Variants in ZNF112 observed in about 807,000 individuals in gnomAD.
ZNF112 encodes zinc finger protein 112 (Y14).
Under a neutral mutation model 77.7 loss-of-function variants are expected in ZNF112, and 37 were observed. That is an observed-to-expected ratio of 0.48 (90% CI 0.37 to 0.63). The LOEUF is 0.63. Ranked by LOEUF, ZNF112 falls within the 20% of genes least tolerant of loss-of-function variation. ZNF112 has a pLI of 0.00. For synonymous variants in ZNF112, 333 were observed against 363.6 expected (o/e 0.92, Z 0.96); for missense variants, 950 against 1,077.4 (o/e 0.88, Z 1.66).
At chr19:44,361,523 T>G (rs1042674433), upstream of ZNF112, among the ~76,000 whole-genome samples, 1 of 152,170 alleles carries the variant, frequency 6.6e-6, no homozygotes, top group African/African-American at 2.4e-5. Flanking sequence ...AAATTCATAT[T>G]GTTAATGGAA....
At position 44,329,272 on chromosome 19, in the gene ZNF112, A is replaced by G; in HGVS notation, c.885T>C (p.Leu295=). The part of the protein sequence containing the change: ...CGKGCNYSSL[L]HIHQNIERED... ...CTCTCTCAATATTTTGATGAATATGAAGAAGTGAACTATAATTACAGCCCT... is the reference window on the plus strand; with the variant it reads ...CTCTCTCAATATTTTGATGAATATGGAGAAGTGAACTATAATTACAGCCCT... Residue 295 remains leucine, a synonymous_variant, in exon 4 of 4, where the codon CTT becomes CTC. Transcript: ENST00000354340. 1 of 1,613,972 alleles carries G rather than the reference A, an allele frequency of 6.2e-7. No homozygotes were observed. The highest frequency in any genetic ancestry group is 8.5e-7 in the Non-Finnish European group (1 of 1,180,000).
chr19:44,328,509 C>T lies in ZNF112; in HGVS notation c.1648G>A (p.Glu550Lys), dbSNP rs139777621. Residue 550 changes from glutamate (E) to lysine (K), a missense_variant, in exon 4 of 4, where the codon GAG (glutamate) becomes AAG (lysine). Glu to Lys is a moderately conservative substitution (Grantham distance 56, BLOSUM62 1). Around this residue, in one of 3 missense-constraint regions of ZNF112, gnomAD observed 373 missense variants for 482.8 expected, o/e 0.77. Coordinates refer to ENST00000354340, the MANE Select transcript of ZNF112 (RefSeq NM_013380.4). ...VHTGEKPYKC[E>K]ECDKGFSRSS... ...CGACTGAATCCCTTATCACATTCCT[C>T]GCATTTATAAGGTTTCTCTCCTGTG... is the stretch of plus-strand genomic sequence containing the variant. 51 of 1,596,534 alleles carry T rather than the reference C, an allele frequency of 3.2e-5. 1 individual carries two copies. The East Asian group carries it at 4.8e-4, about 15-fold the overall frequency.
chr19:44,356,403 A>AT (rs1970787173), intron 1 of ZNF112, among the ~76,000 whole-genome samples: 1 of 152,118 alleles, frequency 6.6e-6, no homozygotes, highest in South Asian at 2.1e-4. Context: ...AACCCAGGAG[A>AT]TCCCCAGTCC....
chr19:44,346,469 G>T (rs2196187), intron 1 of ZNF112, among the ~76,000 whole-genome samples: 62,468 of 152,010 alleles, frequency 0.41, 14,923 homozygotes, highest in South Asian at 0.58. Flanking sequence ...CTGGTTTGTT[G>T]CAAAGTATGT....
chr19:44,332,353 G>A (rs907518002), intron 3 of ZNF112, among the ~76,000 whole-genome samples: 7 of 152,146 alleles, frequency 4.6e-5, no homozygotes, highest in African/African-American at 1.7e-4. Flanking sequence ...AACACTTCAA[G>A]GTATATCAGT....
chr19:44,355,727 T>A (rs11881753), intron 1 of ZNF112, among the ~76,000 whole-genome samples: 1 of 152,310 alleles, frequency 6.6e-6, no homozygotes, highest in Non-Finnish European at 1.5e-5. Context: ...ATCAAACTCT[T>A]AGAATGATCA....
chr19:44,362,836 C>T (rs1334583528), intron 1 of ZNF112, among the ~76,000 whole-genome samples: 1 of 152,128 alleles, frequency 6.6e-6, no homozygotes, highest in Non-Finnish European at 1.5e-5. Flanking sequence ...CCAGGTCGAT[C>T]TGTTTAATGT....
At chr19:44,330,541 G>C (rs556595013) in intron 3 of ZNF112, among the ~76,000 whole-genome samples, 3 of 152,286 alleles carry the variant, frequency 2.0e-5, no homozygotes, top group African/African-American at 4.8e-5. Flanking sequence ...TTTGAGACCA[G>C]CCTGGCCAAC....
chr19:44,356,385 A>G (rs2722740), intron 1 of ZNF112, among the ~76,000 whole-genome samples: 115,496 of 152,028 alleles, frequency 0.76, 44,198 homozygotes, highest in African/African-American at 0.85. Context: ...AGGGCTGGGG[A>G]AGTACAGAAC....
upstream of ZNF112, among the ~76,000 whole-genome samples, chr19:44,357,122 A>G (rs986425498): frequency 1.3e-5 from 2 of 152,132 alleles, no homozygotes; most frequent in Admixed American, 6.5e-5. Context: ...CAGTATTTGT[A>G]TAGTCACTAT....
intron 1 of ZNF112, chr19:44,343,136 A>C: frequency 8.9e-7 from 1 of 1,117,782 alleles, no homozygotes; most frequent in Non-Finnish European, 1.3e-6. Flanking sequence ...CTGATACATA[A>C]ATGATACTAA....
chr19:44,327,599 TTCTCTCCTGTGTGGAC>T lies in ZNF112; in HGVS notation c.2542_2557del (p.Val848AsnfsTer68). ...ACCACATGCATCACATTTGTATGGT[TTCTCTCCTGTGTGGAC>T]TCTCTGGTGAGCCTGAAGATTTGAT... is the stretch of plus-strand genomic sequence containing the variant. On this transcript the variant is annotated frameshift_variant, in exon 4 of 4. Coordinates refer to ENST00000354340, the MANE Select transcript of ZNF112 (RefSeq NM_013380.4). LOFTEE classifies it high-confidence loss of function. 2 of 1,614,098 alleles carry T rather than the reference TTCTCTCCTGTGTGGAC, an allele frequency of 1.2e-6. No individual in the cohort carries two copies. The highest frequency in any genetic ancestry group is 1.7e-6 in the Non-Finnish European group (2 of 1,179,968).
At position 44,327,910 on chromosome 19, in the gene ZNF112, C is replaced by T. The variant is rs780970877; in HGVS notation, c.2247G>A (p.Gly749=). ...GGCGCGAACTCTGACTAAAGCCCTT[C>T]CCACACATCTCACATTTATACGGTT... ...RVKPYKCEMC[G]KGFSQSSRLE... is the part of the protein sequence containing the mutation. Residue 749 remains glycine, a synonymous_variant, in exon 4 of 4, where the codon GGG becomes GGA. Transcript: ENST00000354340. The T allele has an allele frequency of 6.2e-7, 1 of 1,613,712 alleles. No homozygotes were observed. Among genetic ancestry groups the T allele is most frequent in the Admixed American group, 1.7e-5 (1 of 59,964 alleles).
At position 44,329,442 on chromosome 19, in the gene ZNF112, A is replaced by G; in HGVS notation, c.715T>C (p.Leu239=). 1 of 1,614,058 alleles carries G rather than the reference A, an allele frequency of 6.2e-7. No individual in the cohort carries two copies. Among genetic ancestry groups the G allele is most frequent in the Non-Finnish European group, 8.5e-7 (1 of 1,179,978 alleles). The change falls in exon 4 of 4, where the codon TTA becomes CTA. Residue 239 remains leucine (L), a synonymous_variant. Transcript: ENST00000354340. ...DCGEDIMKVS[L]LNQESIQTEE... ...GTTTGAATTGACTCCTGATTAAGTA[A>G]TGATACCTTCATGATATCTTCTCCA...
At chr19:44,337,729 A>C (rs967604467) in intron 2 of ZNF112, among the ~76,000 whole-genome samples, 11 of 151,378 alleles carry the variant, frequency 7.3e-5, no homozygotes, top group African/African-American at 2.4e-4. Flanking sequence ...ATGGGTGAGA[A>C]ATGGCATTTC....
chr19:44,329,989 G>T, intron 3 of ZNF112, 53 bp from the exon 4 acceptor site: 1 of 1,395,958 alleles, frequency 7.2e-7, no homozygotes, highest in Non-Finnish European at 9.7e-7. Context: ...TTATTCAAGA[G>T]ATTTGAAGAT....
intron 3 of ZNF112, among the ~76,000 whole-genome samples, chr19:44,334,277 C>G (rs1338980064): frequency 6.6e-6 from 1 of 152,144 alleles, no homozygotes; most frequent in African/African-American, 2.4e-5. Context: ...GCAAAGCATT[C>G]AAGATGTGGT....
chr19:44,357,542 G>C (rs549090661), upstream of ZNF112, among the ~76,000 whole-genome samples: 1 of 152,004 alleles, frequency 6.6e-6, no homozygotes, highest in Non-Finnish European at 1.5e-5. Flanking sequence ...TTTGTTGCAA[G>C]ATCCACAAGA....
At chr19:44,356,592 G>C (rs952461643) in intron 1 of ZNF112, 34 bp downstream of exon 1, 2 of 152,290 alleles carry the variant, frequency 1.3e-5, no homozygotes, top group Non-Finnish European at 1.5e-5. Context: ...CAGTATGGAC[G>C]GAAGGAGCAG....
Sources: allele counts gnomAD v4.1 joint callset (sites outside exome capture counted in the v4.1 genomes callset), GRCh38; gene constraint gnomAD v4.1.1; regional missense constraint gnomAD v4.1.1; transcripts MANE v1.5; gene names NCBI Gene and HGNC (gene_info 2026-07-23, HGNC 2026-07-21).